The following CTTN variants were observed in gnomAD, a reference collection of about 807,000 sequenced individuals.
CTTN encodes cortactin.
CTTN carries 28 observed loss-of-function variants against 84.0 expected under a neutral mutation model. The ratio of observed to expected loss-of-function variants is 0.33; its 90% CI spans 0.25 to 0.46. CTTN has a LOEUF of 0.46. Among genes scored for constraint, CTTN ranks in the 20% least tolerant of loss-of-function variants. The pLI is 1.00. For missense variants in CTTN, 641 were observed against 723.8 expected, an observed-to-expected ratio of 0.89 and a Z score of 1.31; for synonymous variants, 301 against 288.8, an observed-to-expected ratio of 1.04 and a Z score of -0.43.
intron 9 of CTTN, 141 bp from the exon 10 acceptor site, chr11:70,420,259 A>T (rs1028531305): frequency 7.5e-6 from 5 of 665,324 alleles, no homozygotes; most frequent in African/African-American, 3.6e-5. Context: ...CATGGATGTT[A>T]TCTAAAGTAT....
intron 14 of CTTN, among the ~76,000 whole-genome samples, chr11:70,430,416 T>C (rs1256782264): frequency 6.6e-6 from 1 of 152,238 alleles, no homozygotes; most frequent in Non-Finnish European, 1.5e-5. Flanking sequence ...AGCAGGGCTG[T>C]GTTCCTCCTG....
chr11:70,400,626 A>C (rs1379831339), intron 1 of CTTN, among the ~76,000 whole-genome samples: 2 of 152,214 alleles, frequency 1.3e-5, no homozygotes, highest in Non-Finnish European at 2.9e-5. Context: ...TTGTTTTTAA[A>C]ACACTTTTAA....
At chr11:70,417,235 T>C in intron 8 of CTTN, 112 bp downstream of exon 8, 1 of 837,294 alleles carries the variant, frequency 1.2e-6, no homozygotes, top group Non-Finnish European at 2.0e-6. Context: ...AAATGTTTGG[T>C]GTTCTTTTCG....
chr11:70,429,827 G>T (rs1358870894), intron 14 of CTTN, among the ~76,000 whole-genome samples: 4 of 145,240 alleles, frequency 2.8e-5, no homozygotes, highest in Non-Finnish European at 6.1e-5. Context: ...AGCTGGATCA[G>T]GGGGGTTGTG....
rs2135602356 is a variant in CTTN at position 70,435,292 on chromosome 11, G to GGAA, written c.*131_*133dup. The stretch of plus-strand genomic sequence containing the variant: ...TTTTTTTTTTTTGAAGGTGGGGAGG[G>GGAA]GAATATACACATTGCTTTTATATTT... On this transcript the variant is annotated 3_prime_UTR_variant, in exon 18 of 18. Transcript: ENST00000301843. 4 of 1,392,998 alleles carry GGAA rather than the reference G, an allele frequency of 2.9e-6. No individual in the cohort carries two copies. In the East Asian group the frequency reaches 1.0e-4, roughly 36 times the overall value. 86.3% of individuals were successfully genotyped at this position (1,392,998 alleles called of 1,614,324 possible).
chr11:70,404,154 G>GA (rs2058017855), intron 1 of CTTN, among the ~76,000 whole-genome samples: 1 of 152,244 alleles, frequency 6.6e-6, no homozygotes, highest in African/African-American at 2.4e-5. Context: ...GGGAACTGGG[G>GA]AGAGAGATGG....
chr11:70,407,863 T>G (rs567206365), intron 4 of CTTN: 1 of 428,664 alleles, frequency 2.3e-6, no homozygotes, highest in Non-Finnish European at 4.1e-6. Flanking sequence ...AATTTTAGAG[T>G]GTCCGCTTCT....
In CTTN at chr11:70,422,734, T is replaced by C. The variant is rs528679153; in HGVS notation, c.902-206T>C. Reference sequence around the variant, plus strand: ...AATGCTGAAGCCTCTGCCCCTGGCCTGTGCTCTGCTTCTCACTGCCTGTGT... The same window carrying C: ...AATGCTGAAGCCTCTGCCCCTGGCCCGTGCTCTGCTTCTCACTGCCTGTGT... On this transcript the variant is annotated intron_variant, in intron 11 of 17. Transcript: ENST00000301843. 1.3e-4 allele frequency: 186 copies of C among 1,440,858 alleles called. 1 individual carries two copies. In the South Asian group the frequency reaches 2.1e-3, roughly 17 times the overall value. The allele number at this position is 1,440,858 out of a possible 1,614,324, so 89.3% of individuals were successfully genotyped here. A position where few individuals can be genotyped will look rare whatever the true frequency, so the allele number is the denominator to read the frequency against.
At chr11:70,426,892 G>C (rs1258276214) in intron 13 of CTTN, among the ~76,000 whole-genome samples, 1 of 151,676 alleles carries the variant, frequency 6.6e-6, no homozygotes, top group African/African-American at 2.4e-5. Flanking sequence ...GAGCCACTGT[G>C]CCCGGCCAAA....
intron 13 of CTTN, among the ~76,000 whole-genome samples, chr11:70,425,962 A>C (rs900220579): frequency 6.6e-6 from 1 of 152,178 alleles, no homozygotes; most frequent in Non-Finnish European, 1.5e-5. Flanking sequence ...GCTAAATTTA[A>C]CACAGGATGC....
At chr11:70,421,806 G>A (rs745880507) in intron 11 of CTTN, 9 of 522,260 alleles carry the variant, frequency 1.7e-5, no homozygotes, top group Non-Finnish European at 3.1e-5. Flanking sequence ...ATGGCAGGAT[G>A]CGCCAGTTAG....
At chr11:70,419,692 T>C in intron 8 of CTTN, 54 bp from the exon 9 acceptor site, 1 of 1,436,388 alleles carries the variant, frequency 7.0e-7, no homozygotes, top group Non-Finnish European at 9.6e-7. Flanking sequence ...AATACTTGCA[T>C]GTTCACTGAT....
intron 13 of CTTN, among the ~76,000 whole-genome samples, chr11:70,426,534 C>T (rs1003354646): frequency 5.3e-5 from 8 of 152,262 alleles, no homozygotes; most frequent in African/African-American, 1.9e-4. Context: ...GTCCTCTTGC[C>T]TCAGCCTCTG....
At chr11:70,423,140 A>T in intron 12 of CTTN, 145 bp downstream of exon 12, 2 of 995,232 alleles carry the variant, frequency 2.0e-6, no homozygotes, top group Non-Finnish European at 1.5e-6. Context: ...GCGATGACTG[A>T]CTCGGACAGT....
intron 11 of CTTN, chr11:70,422,392 G>A: frequency 1.3e-6 from 1 of 747,174 alleles, no homozygotes; most frequent in Non-Finnish European, 2.0e-6. Flanking sequence ...GATGGCAGTG[G>A]CTCTCCGTGG....
chr11:70,428,866 C>T lies in CTTN; in HGVS notation c.1028-185C>T, dbSNP rs190645688. The stretch of plus-strand genomic sequence containing the variant: ...GTCCCACCAGGTACGCAGTGCCCTG[C>T]GGCAGGTGCCCAGTGCTGGCTCCGG... On this transcript the variant is annotated intron_variant, in intron 13 of 17. Coordinates refer to ENST00000301843, the MANE Select transcript of CTTN (RefSeq NM_005231.4). Among the ~76,000 whole-genome samples the T allele has an allele frequency of 7.0e-3, 1,065 of 152,330 alleles. 9 individuals carry two copies. The highest frequency in any genetic ancestry group is 0.034 in the Middle Eastern group (10 of 292).
In CTTN at chr11:70,409,826, T is replaced by G; in HGVS notation, c.162-5T>G. ...TCTGTTCCTATTTTCATCTCTTCCA[T>G]CAAGCATACACAAGCTGAGGGAGAA... On this transcript the variant is annotated splice_region_variant and splice_polypyrimidine_tract_variant and intron_variant, in intron 4 of 17. Transcript: ENST00000301843. The G allele has an allele frequency of 6.2e-7, 1 of 1,614,008 alleles. No homozygotes were observed. The highest frequency in any genetic ancestry group is 8.5e-7 in the Non-Finnish European group (1 of 1,179,924).
chr11:70,429,255 AT>A, intron 14 of CTTN, 56 bp downstream of exon 14: 9 of 1,564,430 alleles, frequency 5.8e-6, no homozygotes, highest in Non-Finnish European at 7.8e-6. Flanking sequence ...TGCCGAGGGG[AT>A]TGGGAGCTCT....
chr11:70,420,066 C>T (rs1004776453), intron 9 of CTTN: 16 of 602,678 alleles, frequency 2.7e-5, no homozygotes, highest in African/African-American at 1.3e-4. Context: ...CCAGCCCCAG[C>T]GGCGTTGCTT....
Sources: gnomAD v4.1 joint callset for allele counts (sites outside exome capture counted in the v4.1 genomes callset) on GRCh38, gnomAD v4.1.1 for gene constraint, MANE v1.5 for transcripts, NCBI Gene and HGNC (gene_info 2026-07-23, HGNC 2026-07-21) for gene names.